The following IQGAP2 variants were observed in gnomAD, a reference collection of about 807,000 sequenced individuals.
IQGAP2 encodes IQ motif containing GTPase activating protein 2.
A neutral mutation model predicts 201.3 loss-of-function variants in IQGAP2; 173 were observed. The observed-to-expected ratio is 0.86, with a 90% CI of 0.76 to 0.98. The LOEUF (loss-of-function observed/expected upper bound fraction) is 0.98. Ranked by LOEUF, IQGAP2 falls within the 50% of genes least tolerant of loss-of-function variation. IQGAP2 has a pLI of 0.00. For missense variants in IQGAP2, 1,687 were observed against 1,864.8 expected, an observed-to-expected ratio of 0.90 and a Z score of 1.76; for synonymous variants, 675 against 673.9, an observed-to-expected ratio of 1.00 and a Z score of -0.03.
At chr5:76,570,232 C>A (rs1437425843) in intron 3 of IQGAP2, among the ~76,000 whole-genome samples, 1 of 152,224 alleles carries the variant, frequency 6.6e-6, no homozygotes. Context: ...TTGCCAAAAT[C>A]TGGACACCAT....
At chr5:76,626,265 C>CTTTTTTTTT (rs1750218703) in intron 13 of IQGAP2, among the ~76,000 whole-genome samples, 1 of 57,482 alleles carries the variant, frequency 1.7e-5, no homozygotes, top group Non-Finnish European at 3.4e-5. Flanking sequence ...TTTTTTTCTT[C>CTTTTTTTTT]TTTTCTTTTT....
Position 76,668,814 on chromosome 5 carries a change from T to G in IQGAP2, c.2813T>G (p.Leu938Arg). 6.2e-7 allele frequency: 1 copy of G among 1,603,716 alleles called. No individual in the cohort carries two copies. The highest frequency in any genetic ancestry group is 8.5e-7 in the Non-Finnish European group (1 of 1,174,744). The change falls in exon 23 of 36, where the codon CTT becomes CGT. Residue 938 changes from leucine to arginine, a missense_variant. Transcript: ENST00000274364. ...CGAGAAGAATATCTACTTCTCAAGC[T>G]TTTTAAAACTGCTCTGGAGGAAGAA... ...NQREEYLLLKLFKTALEEEIK... is the reference protein window; with the variant it reads ...NQREEYLLLKRFKTALEEEIK...
intron 13 of IQGAP2, among the ~76,000 whole-genome samples, chr5:76,613,771 G>A (rs12697856): frequency 2.6e-5 from 4 of 151,762 alleles, no homozygotes; most frequent in Admixed American, 6.5e-5. Context: ...ATCAGCTCAC[G>A]GAAACCTCCA....
At position 76,701,060 on chromosome 5, in the gene IQGAP2, G is replaced by T; in HGVS notation, c.4368-16G>T. ...TTGCCATCATAACAACAAATGTTCT[G>T]TTCTTATTTTGTCAGAAATACTCGG... On this transcript the variant is annotated splice_polypyrimidine_tract_variant and intron_variant, in intron 33 of 35. Coordinates refer to ENST00000274364, the MANE Select transcript of IQGAP2 (RefSeq NM_006633.5). 1 of 1,613,646 alleles carries T rather than the reference G, an allele frequency of 6.2e-7. No individual in the cohort carries two copies.
chr5:76,614,524 T>C (rs982572215), intron 13 of IQGAP2, among the ~76,000 whole-genome samples: 2 of 152,170 alleles, frequency 1.3e-5, no homozygotes, highest in African/African-American at 4.8e-5. Context: ...AACTTTCTTT[T>C]CTCAGCCTGT....
At chr5:76,684,063 G>T (rs1745533828) in intron 30 of IQGAP2, 146 bp downstream of exon 30, 4 of 605,556 alleles carry the variant, frequency 6.6e-6, no homozygotes, top group Non-Finnish European at 7.7e-6. Flanking sequence ...TCTAACCAAA[G>T]GATAATAGAC....
At chr5:76,692,630 C>T (rs139983445) in intron 30 of IQGAP2, among the ~76,000 whole-genome samples, 3 of 152,282 alleles carry the variant, frequency 2.0e-5, no homozygotes, top group South Asian at 2.1e-4. Flanking sequence ...GAGAGAACTA[C>T]GGTTTTCGTA....
intron 2 of IQGAP2, among the ~76,000 whole-genome samples, chr5:76,527,491 T>C (rs1042753916): frequency 2.0e-5 from 3 of 152,232 alleles, no homozygotes; most frequent in Admixed American, 6.5e-5. Flanking sequence ...AGTGAAAATA[T>C]AGTAAATTCT....
At chr5:76,559,324 T>C (rs1358548822) in intron 2 of IQGAP2, among the ~76,000 whole-genome samples, 1 of 152,200 alleles carries the variant, frequency 6.6e-6, no homozygotes, top group Non-Finnish European at 1.5e-5. Flanking sequence ...CATCTCACAA[T>C]GGGAAAGGCC....
At chr5:76,627,030 C>G (rs76609069) in intron 13 of IQGAP2, among the ~76,000 whole-genome samples, 1 of 151,888 alleles carries the variant, frequency 6.6e-6, no homozygotes, top group Non-Finnish European at 1.5e-5. Flanking sequence ...TTCTAACTGC[C>G]GGGGGAAGCC....
chr5:76,682,600 A>G (rs879632077), intron 28 of IQGAP2, among the ~76,000 whole-genome samples: 4 of 152,168 alleles, frequency 2.6e-5, no homozygotes, highest in Non-Finnish European at 4.4e-5. Context: ...TTCTTAGGAT[A>G]AGGAAAGGGG....
intron 17 of IQGAP2, among the ~76,000 whole-genome samples, chr5:76,646,289 T>C (rs992628289): frequency 6.6e-6 from 1 of 152,230 alleles, no homozygotes; most frequent in Non-Finnish European, 1.5e-5. Context: ...CATCTCAGAA[T>C]TGTCACACTG....
At chr5:76,478,901 A>AT (rs1226998633) in intron 2 of IQGAP2, among the ~76,000 whole-genome samples, 3 of 152,116 alleles carry the variant, frequency 2.0e-5, no homozygotes, top group Admixed American at 1.3e-4. Flanking sequence ...AAGAACATTA[A>AT]TTTTAATTTT....
At chr5:76,568,648 A>G (rs1295060168) in intron 3 of IQGAP2, among the ~76,000 whole-genome samples, 1 of 152,186 alleles carries the variant, frequency 6.6e-6, no homozygotes, top group Non-Finnish European at 1.5e-5. Flanking sequence ...GTGCATACCC[A>G]TATTGCCACA....
In IQGAP2 at chr5:76,583,965, C is replaced by T. The variant is rs1253694006; in HGVS notation, c.459-4941C>T. Reference sequence around the variant, plus strand: ...GTGGCTCACTGCAACGTCTGTCTCCCTGGTTCAAGCAATTCTCCTGCCTCA... The same window carrying T: ...GTGGCTCACTGCAACGTCTGTCTCCTTGGTTCAAGCAATTCTCCTGCCTCA... On this transcript the variant is annotated intron_variant, in intron 5 of 35. Coordinates refer to ENST00000274364, the MANE Select transcript of IQGAP2 (RefSeq NM_006633.5). Among the ~76,000 whole-genome samples the T allele has an allele frequency of 2.6e-5, 4 of 151,932 alleles. No individual in the cohort carries two copies. In the East Asian group the frequency reaches 7.7e-4, roughly 29 times the overall value.
At chr5:76,432,228 A>G (rs1381099813) in intron 1 of IQGAP2, among the ~76,000 whole-genome samples, 12 of 143,892 alleles carry the variant, frequency 8.3e-5, no homozygotes, top group Non-Finnish European at 1.5e-5. Context: ...AGGATTAAAA[A>G]ATTTTTGTGC....
chr5:76,461,741 G>A (rs1254183741), intron 2 of IQGAP2, 72 bp downstream of exon 2: 1 of 1,065,848 alleles, frequency 9.4e-7, no homozygotes, highest in Non-Finnish European at 1.4e-6. Flanking sequence ...CGTGGGATTT[G>A]ATGACCAGAG....
At chr5:76,463,949 G>A (rs1413923020) in intron 2 of IQGAP2, among the ~76,000 whole-genome samples, 1 of 151,594 alleles carries the variant, frequency 6.6e-6, no homozygotes, top group Non-Finnish European at 1.5e-5. Flanking sequence ...CTGGGTTCAA[G>A]TGATTCTCCT....
intron 2 of IQGAP2, among the ~76,000 whole-genome samples, chr5:76,482,755 T>G (rs1755864020): frequency 6.6e-6 from 1 of 152,186 alleles, no homozygotes; most frequent in Non-Finnish European, 1.5e-5. Flanking sequence ...CAAATAAAAT[T>G]ATCAGGCTCA....
Sources: gnomAD v4.1 joint callset for allele counts (sites outside exome capture counted in the v4.1 genomes callset) on GRCh38, gnomAD v4.1.1 for gene constraint, MANE v1.5 for transcripts, NCBI Gene and HGNC (gene_info 2026-07-23, HGNC 2026-07-21) for gene names.